The following TEX9 variants were observed in gnomAD, a reference collection of about 807,000 sequenced individuals.
TEX9 encodes testis-expressed protein 9.
TEX9 carries 74 observed loss-of-function variants against 59.6 expected under a neutral mutation model. The observed-to-expected ratio is 1.24, with a 90% CI of 1.03 to 1.51. The LOEUF is 1.51. Ranked by LOEUF, TEX9 falls within the 40% of genes most tolerant of loss-of-function variation. The probability of loss-of-function intolerance (pLI) is 0.00; values close to 1 mark genes in which losing one functional copy is unlikely to be tolerated. For missense variants in TEX9, 522 were observed against 447.8 expected (o/e 1.17, Z -1.49); for synonymous variants, 186 against 152.2 (o/e 1.22, Z -1.64).
rs896902142 is a variant in TEX9, at chr15:56,403,784, A to C, written c.829-8518A>C. 7.9e-5 allele frequency among the ~76,000 whole-genome samples: 12 copies of C among 152,338 alleles called. No individual in the cohort carries two copies. The East Asian group carries it at 1.9e-3, about 24-fold the overall frequency. ...GCGTGGTACTGCTACCAAAACAGAGATATAGACCAATGGAACAGAACAGAG... is the reference window on the plus strand; with the variant it reads ...GCGTGGTACTGCTACCAAAACAGAGCTATAGACCAATGGAACAGAACAGAG... On this transcript the variant is annotated intron_variant, in intron 9 of 12. Transcript: ENST00000352903.
the TEX9 span, among the ~76,000 whole-genome samples, chr15:56,451,728 A>AG: frequency 6.6e-3 from 347 of 52,524 alleles, 1 homozygote; most frequent in Middle Eastern, 0.015. Flanking sequence ...TCAATTCATG[A>AG]TGGGATGCAT....
intron 1 of TEX9, among the ~76,000 whole-genome samples, chr15:56,325,696 C>G (rs1014048021): frequency 6.6e-6 from 1 of 152,024 alleles, no homozygotes; most frequent in African/African-American, 2.4e-5. Context: ...CCAAACTGAC[C>G]AAATGTTCTT....
chr15:56,439,684 G>C (rs2050785782), intron 12 of TEX9, among the ~76,000 whole-genome samples: 1 of 151,014 alleles, frequency 6.6e-6, no homozygotes, highest in Non-Finnish European at 1.5e-5. Flanking sequence ...CTGTATTTAA[G>C]TCTCATCGTT....
At chr15:56,423,788 A>G (rs1486111999) in intron 10 of TEX9, among the ~76,000 whole-genome samples, 4 of 152,072 alleles carry the variant, frequency 2.6e-5, no homozygotes, top group Non-Finnish European at 2.9e-5. Flanking sequence ...TTATTATTTC[A>G]ATCGTTTTGG....
intron 1 of TEX9, among the ~76,000 whole-genome samples, chr15:56,256,462 G>C (rs2044147209): frequency 6.6e-6 from 1 of 151,784 alleles, no homozygotes; most frequent in Non-Finnish European, 1.5e-5. Flanking sequence ...AGATTGGCTA[G>C]AAATAAATCA....
intron 1 of TEX9, among the ~76,000 whole-genome samples, chr15:56,360,181 G>A (rs1416227615): frequency 1.3e-5 from 2 of 152,122 alleles, no homozygotes. Flanking sequence ...AGGGATATCA[G>A]CTTGTAGTTT....
At chr15:56,411,628 G>C (rs566747725) in intron 9 of TEX9, among the ~76,000 whole-genome samples, 1 of 152,146 alleles carries the variant, frequency 6.6e-6, no homozygotes, top group African/African-American at 2.4e-5. Flanking sequence ...TGGTATTACT[G>C]AAAGTAACAT....
At chr15:56,433,313 A>G (rs1318020315) in intron 12 of TEX9, among the ~76,000 whole-genome samples, 6 of 152,044 alleles carry the variant, frequency 3.9e-5, no homozygotes, top group Middle Eastern at 3.2e-3. Flanking sequence ...TAATGCATGC[A>G]GGGCTTAAAA....
chr15:56,409,824 C>T (rs1016503040), intron 9 of TEX9: 2 of 152,210 alleles, frequency 1.3e-5, no homozygotes, highest in Non-Finnish European at 2.9e-5. Flanking sequence ...TAAATCATTA[C>T]CTCACTTCAT....
At chr15:56,301,291 G>C (rs1393026064) in intron 1 of TEX9, among the ~76,000 whole-genome samples, 2 of 151,794 alleles carry the variant, frequency 1.3e-5, no homozygotes, top group African/African-American at 2.4e-5. Context: ...CTGAAGACAG[G>C]CTAGAAGACA....
At chr15:56,427,894 T>TTATAGTGAGA (rs1201354200) in intron 11 of TEX9, among the ~76,000 whole-genome samples, 155 bp downstream of exon 11, 1 of 152,044 alleles carries the variant, frequency 6.6e-6, no homozygotes, top group African/African-American at 2.4e-5. Flanking sequence ...AATCTAACAT[T>TTATAGTGAGA]TATAGTGAGA....
At chr15:56,434,416 T>C in intron 12 of TEX9, 1 of 1,592,440 alleles carries the variant, frequency 6.3e-7, no homozygotes. Context: ...CAGCTGAAAG[T>C]TAATTTAGTA....
chr15:56,294,068 C>T (rs1208850484), intron 1 of TEX9, among the ~76,000 whole-genome samples: 1 of 152,182 alleles, frequency 6.6e-6, no homozygotes, highest in Non-Finnish European at 1.5e-5. Context: ...GTTGGATAAA[C>T]TCTCACACCT....
intron 1 of TEX9, among the ~76,000 whole-genome samples, chr15:56,360,274 A>G (rs2046766266): frequency 6.6e-6 from 1 of 152,094 alleles, no homozygotes; most frequent in African/African-American, 2.4e-5. Flanking sequence ...TTCTGCCTTT[A>G]TTTTCCCAAA....
intron 12 of TEX9, chr15:56,431,592 T>C (rs1374134270): frequency 1.6e-6 from 2 of 1,247,122 alleles, no homozygotes; most frequent in East Asian, 2.5e-5. Flanking sequence ...TTAGATAAAA[T>C]TGATGAACTA....
intron 12 of TEX9, among the ~76,000 whole-genome samples, chr15:56,432,466 T>C (rs795790): frequency 0.42 from 63,686 of 152,000 alleles, 13,905 homozygotes; most frequent in Middle Eastern, 0.55. Context: ...TTAGACCTTA[T>C]AGGATTGTAT....
At chr15:56,323,232 T>C (rs941014855) in intron 1 of TEX9, 2 of 216,932 alleles carry the variant, frequency 9.2e-6, no homozygotes, top group Non-Finnish European at 2.0e-5. Context: ...CTTCTCAAAG[T>C]TCTCTAAGAA....
intron 1 of TEX9, among the ~76,000 whole-genome samples, chr15:56,324,368 T>G (rs2141719543): frequency 6.6e-6 from 1 of 152,238 alleles, no homozygotes; most frequent in East Asian, 1.9e-4. Flanking sequence ...TTTTGGACAG[T>G]GTGGGATATA....
At chr15:56,347,073 A>T (rs1268123981) in intron 1 of TEX9, among the ~76,000 whole-genome samples, 1 of 152,208 alleles carries the variant, frequency 6.6e-6, no homozygotes, top group Non-Finnish European at 1.5e-5. Flanking sequence ...CTGATGAAAG[A>T]TTTCAAAAAG....
Sources: allele counts gnomAD v4.1 joint callset (sites outside exome capture counted in the v4.1 genomes callset), GRCh38; gene constraint gnomAD v4.1.1; transcripts MANE v1.5; gene names NCBI Gene and HGNC (gene_info 2026-07-23, HGNC 2026-07-21).